Variants in PRKG1 observed in about 807,000 individuals in gnomAD.
The protein encoded by PRKG1 is protein kinase cGMP-dependent 1, also known as cGMP-dependent protein kinase 1.
PRKG1 carries 35 observed loss-of-function variants against 88.1 expected under a neutral mutation model. The ratio of observed to expected loss-of-function variants is 0.40; its 90% CI spans 0.30 to 0.53. The LOEUF (loss-of-function observed/expected upper bound fraction) is 0.53, where lower values mean the gene tolerates loss of function less well. Ranked by LOEUF, PRKG1 falls within the 20% of genes least tolerant of loss-of-function variation. The probability of loss-of-function intolerance (pLI) is 0.59; values close to 1 mark genes in which losing one functional copy is unlikely to be tolerated. For synonymous variants in PRKG1, 303 were observed against 292.5 expected, an observed-to-expected ratio of 1.04 and a Z score of -0.37; for missense variants, 540 against 839.8, an observed-to-expected ratio of 0.64 and a Z score of 4.41.
intron 3 of PRKG1, among the ~76,000 whole-genome samples, chr10:51,545,929 T>A (rs1229039227): frequency 6.6e-6 from 1 of 152,022 alleles, no homozygotes; most frequent in Non-Finnish European, 1.5e-5. Context: ...TCTCTTTTTT[T>A]CTCTGAACTA....
intron 3 of PRKG1, among the ~76,000 whole-genome samples, chr10:51,675,887 C>T (rs944092306): frequency 2.6e-5 from 4 of 152,028 alleles, no homozygotes; most frequent in African/African-American, 7.2e-5. Flanking sequence ...CTCTGAAATC[C>T]TCCCAGTCAA....
chr10:52,266,380 C>T (rs978287105), intron 10 of PRKG1, among the ~76,000 whole-genome samples: 1 of 151,806 alleles, frequency 6.6e-6, no homozygotes, highest in African/African-American at 2.4e-5. Context: ...CCCCAGCTCT[C>T]CCCCGACAGA....
chr10:52,214,031 C>G (rs1840050718), intron 9 of PRKG1, among the ~76,000 whole-genome samples: 1 of 151,998 alleles, frequency 6.6e-6, no homozygotes, highest in Non-Finnish European at 1.5e-5. Flanking sequence ...TGGAATAAGC[C>G]TACTTTTTTC....
chr10:51,104,091 T>C (rs1431199621), intron 1 of PRKG1, among the ~76,000 whole-genome samples: 1 of 152,136 alleles, frequency 6.6e-6, no homozygotes, highest in Non-Finnish European at 1.5e-5. Flanking sequence ...TGAATGTGTG[T>C]GTAGTAGGAG....
chr10:51,880,707 C>T (rs1841415659), intron 4 of PRKG1, among the ~76,000 whole-genome samples: 1 of 152,156 alleles, frequency 6.6e-6, no homozygotes, highest in Non-Finnish European at 1.5e-5. Context: ...CCCAGTAAAA[C>T]CTCACACTGA....
At chr10:51,371,076 C>T (rs1158387937) in intron 2 of PRKG1, among the ~76,000 whole-genome samples, 1 of 152,060 alleles carries the variant, frequency 6.6e-6, no homozygotes, top group Non-Finnish European at 1.5e-5. Context: ...TGGCCTTTGC[C>T]TCCCTTTCCA....
At chr10:51,321,058 T>G (rs1037142996) in intron 2 of PRKG1, among the ~76,000 whole-genome samples, 5 of 131,640 alleles carry the variant, frequency 3.8e-5, no homozygotes, top group African/African-American at 1.5e-4. Context: ...ACACAGAGAT[T>G]TAGAGGAATT....
chr10:51,803,564 G>T (rs1276304112), intron 3 of PRKG1, among the ~76,000 whole-genome samples: 1 of 151,970 alleles, frequency 6.6e-6, no homozygotes, highest in East Asian at 1.9e-4. Flanking sequence ...CCCAAATCAT[G>T]ATCCATCACA....
chr10:51,700,215 C>G (rs1396662097), intron 3 of PRKG1, among the ~76,000 whole-genome samples: 2 of 152,196 alleles, frequency 1.3e-5, no homozygotes, highest in Non-Finnish European at 2.9e-5. Flanking sequence ...GGGCCCTGCC[C>G]CCATTCTGTT....
chr10:51,443,034 A>T (rs1445619398), intron 2 of PRKG1, among the ~76,000 whole-genome samples: 1 of 150,282 alleles, frequency 6.7e-6, no homozygotes, highest in Non-Finnish European at 1.5e-5. Flanking sequence ...GCCTGAGCAG[A>T]TTTAAGGATG....
intron 9 of PRKG1, among the ~76,000 whole-genome samples, chr10:52,172,823 AG>A (rs1838744295): frequency 6.8e-6 from 1 of 147,602 alleles, no homozygotes; most frequent in African/African-American, 2.7e-5. Flanking sequence ...TTACATAGTG[AG>A]TAGTAGTAGT....
At chr10:51,885,256 C>A (rs1841540006) in intron 4 of PRKG1, among the ~76,000 whole-genome samples, 1 of 152,192 alleles carries the variant, frequency 6.6e-6, no homozygotes. Flanking sequence ...TAACCACTCA[C>A]AAGTTAGTTG....
chr10:51,034,909 C>T (rs1209211741), intron 1 of PRKG1, among the ~76,000 whole-genome samples: 1 of 151,746 alleles, frequency 6.6e-6, no homozygotes, highest in Non-Finnish European at 1.5e-5. Context: ...CTTATTGAGG[C>T]TTCACATGTC....
chr10:51,480,823 T>C (rs1248214050), intron 3 of PRKG1, among the ~76,000 whole-genome samples: 3 of 152,080 alleles, frequency 2.0e-5, no homozygotes, highest in East Asian at 1.9e-4. Context: ...TGAGATGTAA[T>C]GGACAGTCAA....
chr10:51,206,049 G>T (rs887690317), intron 2 of PRKG1, among the ~76,000 whole-genome samples: 3 of 152,188 alleles, frequency 2.0e-5, no homozygotes, highest in African/African-American at 7.2e-5. Context: ...AACAGAAGCA[G>T]CAGGGTAAAC....
intron 2 of PRKG1, among the ~76,000 whole-genome samples, chr10:51,265,596 T>C (rs1381768289): frequency 6.6e-6 from 1 of 152,174 alleles, no homozygotes; most frequent in Non-Finnish European, 1.5e-5. Context: ...GATGTGACCC[T>C]ATGTCTTGTG....
chr10:51,095,348 C>T (rs888143344), intron 1 of PRKG1, among the ~76,000 whole-genome samples: 2 of 152,132 alleles, frequency 1.3e-5, no homozygotes, highest in African/African-American at 4.8e-5. Flanking sequence ...TTTGGTCAAA[C>T]GGTTTGGCTC....
At chr10:52,284,485 C>T (rs1433693582) in intron 14 of PRKG1, among the ~76,000 whole-genome samples, 8 of 70,772 alleles carry the variant, frequency 1.1e-4, no homozygotes, top group African/African-American at 3.6e-4. Flanking sequence ...TGGTAAGAGA[C>T]GGTGGCCAGG....
chr10:51,529,053 A>G (rs1315927101), intron 3 of PRKG1, among the ~76,000 whole-genome samples: 1 of 152,164 alleles, frequency 6.6e-6, no homozygotes, highest in Non-Finnish European at 1.5e-5. Flanking sequence ...AAGAAAATTC[A>G]GAAACTAAGA....
Sources: gnomAD v4.1 joint callset for allele counts (sites outside exome capture counted in the v4.1 genomes callset) on GRCh38, gnomAD v4.1.1 for gene constraint, MANE v1.5 for transcripts, NCBI Gene and HGNC (gene_info 2026-07-23, HGNC 2026-07-21) for gene names.